SDK1: variants seen among roughly 807,000 people sequenced by gnomAD.
The protein encoded by SDK1 is protein sidekick-1.
Under a neutral mutation model 245.5 loss-of-function variants are expected in SDK1, and 157 were observed. The ratio of observed to expected loss-of-function variants is 0.64; its 90% CI spans 0.56 to 0.73. The LOEUF (loss-of-function observed/expected upper bound fraction) is 0.73, where lower values mean the gene tolerates loss of function less well. Among genes scored for constraint, SDK1 ranks in the 30% least tolerant of loss-of-function variants. The probability of loss-of-function intolerance (pLI) is 0.00; values close to 1 mark genes in which losing one functional copy is unlikely to be tolerated. For synonymous variants in SDK1, 1,647 were observed against 1,278.5 expected (o/e 1.29, Z -6.15); for missense variants, 3,583 against 3,002.3 (o/e 1.19, Z -4.52).
chr7:4,216,099 T>G (rs1259068969), intron 38 of SDK1, among the ~76,000 whole-genome samples: 1 of 152,204 alleles, frequency 6.6e-6, no homozygotes, highest in Non-Finnish European at 1.5e-5. Flanking sequence ...GCTCTCTGCC[T>G]GCAGGCATTT....
chr7:3,644,303 A>G (rs1782752072), intron 4 of SDK1, among the ~76,000 whole-genome samples: 1 of 151,414 alleles, frequency 6.6e-6, no homozygotes, highest in African/African-American at 2.4e-5. Flanking sequence ...TAAAAATACC[A>G]GTTACCTTAG....
intron 1 of SDK1, among the ~76,000 whole-genome samples, chr7:3,575,986 C>T (rs530309077): frequency 6.6e-6 from 1 of 151,924 alleles, no homozygotes; most frequent in Non-Finnish European, 1.5e-5. Flanking sequence ...GGGCTTTCTG[C>T]TCTTGTGAAA....
chr7:3,317,308 C>T (rs939455249), intron 1 of SDK1, among the ~76,000 whole-genome samples: 4 of 150,754 alleles, frequency 2.7e-5, no homozygotes, highest in Admixed American at 2.6e-4. Context: ...TTAAGGCAAG[C>T]AAAGGAACAT....
chr7:3,716,628 C>T (rs1037048274), intron 4 of SDK1, among the ~76,000 whole-genome samples: 15 of 151,856 alleles, frequency 9.9e-5, no homozygotes, highest in Non-Finnish European at 1.9e-4. Flanking sequence ...AGGCGTGGTG[C>T]ACACCCCTGT....
chr7:3,649,046 A>G (rs965125751), intron 4 of SDK1, among the ~76,000 whole-genome samples: 1 of 152,074 alleles, frequency 6.6e-6, no homozygotes, highest in African/African-American at 2.4e-5. Flanking sequence ...GCACTTAATT[A>G]GTGCCAGCCA....
chr7:4,079,433 C>A lies in SDK1; in HGVS notation c.3203-30C>A, dbSNP rs761497790. On this transcript the variant is annotated intron_variant, in intron 21 of 44. Coordinates refer to ENST00000404826, the MANE Select transcript of SDK1 (RefSeq NM_152744.4). ...TCCTAAGCTGTGACGGACTGTAAATCTCTCCCTTTCCTCCCTGGTTCCTCT... is the reference window on the plus strand; with the variant it reads ...TCCTAAGCTGTGACGGACTGTAAATATCTCCCTTTCCTCCCTGGTTCCTCT... 18 of 1,610,644 alleles carry A rather than the reference C, an allele frequency of 1.1e-5. No individual in the cohort carries two copies. The Admixed American group carries it at 3.0e-4, about 27-fold the overall frequency.
At chr7:3,816,872 G>C (rs1218320549) in intron 4 of SDK1, among the ~76,000 whole-genome samples, 1 of 151,050 alleles carries the variant, frequency 6.6e-6, no homozygotes, top group African/African-American at 2.4e-5. Context: ...TTTTTTTTAA[G>C]ATTTTACAAA....
chr7:4,251,927 C>A (rs1374546325), intron 44 of SDK1, among the ~76,000 whole-genome samples: 2 of 152,122 alleles, frequency 1.3e-5, no homozygotes, highest in Admixed American at 1.3e-4. Context: ...CAGATGGTTT[C>A]TCTGTGTCTG....
intron 1 of SDK1, among the ~76,000 whole-genome samples, chr7:3,391,586 T>A (rs1164763587): frequency 1.3e-5 from 2 of 151,640 alleles, no homozygotes; most frequent in Admixed American, 6.6e-5. Flanking sequence ...ACAGTGGCAC[T>A]GGCTTTCAGA....
chr7:3,995,758 A>T (rs1033779606), intron 14 of SDK1, among the ~76,000 whole-genome samples: 1 of 150,808 alleles, frequency 6.6e-6, no homozygotes, highest in Non-Finnish European at 1.5e-5. Flanking sequence ...GGCTTTGAGC[A>T]CTTTCTCTGC....
intron 5 of SDK1, among the ~76,000 whole-genome samples, chr7:3,941,573 G>A (rs1228001582): frequency 6.6e-6 from 1 of 152,036 alleles, no homozygotes; most frequent in African/African-American, 2.4e-5. Flanking sequence ...TCTGACTGGG[G>A]GATGCCTATC....
chr7:3,922,468 G>A (rs565448567), intron 5 of SDK1, among the ~76,000 whole-genome samples: 3 of 152,236 alleles, frequency 2.0e-5, no homozygotes, highest in African/African-American at 7.2e-5. Flanking sequence ...ATACCACTGG[G>A]TGTCACATGG....
chr7:3,442,824 T>C (rs1780233721), intron 1 of SDK1, among the ~76,000 whole-genome samples: 1 of 152,220 alleles, frequency 6.6e-6, no homozygotes, highest in Non-Finnish European at 1.5e-5. Context: ...AGTGAACTGC[T>C]TTTGCTTTAC....
intron 4 of SDK1, among the ~76,000 whole-genome samples, chr7:3,688,126 T>C (rs2195866): frequency 0.83 from 126,936 of 152,256 alleles, 53,064 homozygotes; most frequent in Non-Finnish European, 0.86. Context: ...ATGATACAGC[T>C]ACTTCCTAAC....
intron 5 of SDK1, among the ~76,000 whole-genome samples, chr7:3,827,732 T>G (rs1252353682): frequency 6.6e-6 from 1 of 152,148 alleles, no homozygotes; most frequent in African/African-American, 2.4e-5. Flanking sequence ...TCAGGCCATG[T>G]GTTTAAGAGC....
chr7:3,612,476 C>A lies in SDK1; in HGVS notation c.299-6604C>A, dbSNP rs147779715. Among the ~76,000 whole-genome samples, 53 of 152,294 alleles carry A rather than the reference C, an allele frequency of 3.5e-4. 1 individual carries two copies. The highest frequency in any genetic ancestry group is 1.3e-3 in the African/African-American group (53 of 41,568). On this transcript the variant is annotated intron_variant, in intron 1 of 44. Transcript: ENST00000404826. ...GGCTTCAATAGGTATACATAATGAA[C>A]TGCCAGCAGCTGAAATTTGAATGAC...
At chr7:4,034,654 C>G (rs1788085030) in intron 17 of SDK1, among the ~76,000 whole-genome samples, 1 of 152,218 alleles carries the variant, frequency 6.6e-6, no homozygotes, top group African/African-American at 2.4e-5. Context: ...TTCTCACTCA[C>G]AAACTCGACT....
intron 44 of SDK1, among the ~76,000 whole-genome samples, chr7:4,253,520 A>G (rs1787441833): frequency 6.6e-6 from 1 of 152,170 alleles, no homozygotes; most frequent in African/African-American, 2.4e-5. Flanking sequence ...TCAGTCCTTT[A>G]AAATTCATTG....
intron 28 of SDK1, chr7:4,134,855 T>A (rs577807599): frequency 6.6e-6 from 1 of 152,548 alleles, no homozygotes; most frequent in African/African-American, 2.4e-5. Context: ...GGACGCGTGC[T>A]CAGATTCCAG....
Sources: gnomAD v4.1 joint callset for allele counts (sites outside exome capture counted in the v4.1 genomes callset) on GRCh38, gnomAD v4.1.1 for gene constraint, MANE v1.5 for transcripts, NCBI Gene and HGNC (gene_info 2026-07-23, HGNC 2026-07-21) for gene names.